The following SEMA6D variants were observed in gnomAD, a reference collection of about 807,000 sequenced individuals.
The protein encoded by SEMA6D is semaphorin-6D.
Under a neutral mutation model 106.6 loss-of-function variants are expected in SEMA6D, and 35 were observed. The ratio of observed to expected loss-of-function variants is 0.33; its 90% CI spans 0.25 to 0.44. SEMA6D has a LOEUF of 0.44. Among genes scored for constraint, SEMA6D ranks in the 20% least tolerant of loss-of-function variants. The probability of loss-of-function intolerance (pLI) is 1.00; values close to 1 mark genes in which losing one functional copy is unlikely to be tolerated. For synonymous variants in SEMA6D, 499 were observed against 487.7 expected (o/e 1.02, Z -0.31); for missense variants, 1,185 against 1,345.9 (o/e 0.88, Z 1.87).
intron 3 of SEMA6D, among the ~76,000 whole-genome samples, chr15:47,534,738 C>T (rs1443048952): frequency 6.6e-6 from 1 of 151,948 alleles, no homozygotes; most frequent in Non-Finnish European, 1.5e-5. Context: ...TACTTTTTCA[C>T]CCCACATAAA....
chr15:47,733,408 A>G (rs2080255719), intron 1 of SEMA6D, among the ~76,000 whole-genome samples: 5 of 152,190 alleles, frequency 3.3e-5, no homozygotes. Context: ...AGCTGTAAAA[A>G]TTAACCACCT....
At chr15:47,738,573 A>G (rs1008089793) in intron 1 of SEMA6D, among the ~76,000 whole-genome samples, 7 of 152,152 alleles carry the variant, frequency 4.6e-5, no homozygotes, top group African/African-American at 1.7e-4. Flanking sequence ...CTGTATTCTG[A>G]CCAAAGACTC....
Position 47,771,688 on chromosome 15 carries a change from T to C in SEMA6D, c.3125T>C (p.Leu1042Pro), listed in dbSNP as rs769118771. Residue 1042 changes from leucine (L) to proline (P), a missense_variant, in exon 19 of 19, where the codon CTA becomes CCA. Physicochemically the swap from Leu to Pro is moderately conservative, Grantham distance 98. Around this residue, in one of 3 missense-constraint regions of SEMA6D, gnomAD observed 750 missense variants for 783.5 expected, o/e 0.96. Coordinates refer to ENST00000536845, the MANE Select transcript of SEMA6D (RefSeq NM_001358351.3). ...TSNGTLPRTG[L>P]KRTPSLKPDV... Reference sequence around the variant, plus strand: ...AATGGCACTCTTCCTAGGACGGGACTAAAGAGGACGCCGTCCTTAAAACCT... The same window carrying C: ...AATGGCACTCTTCCTAGGACGGGACCAAAGAGGACGCCGTCCTTAAAACCT... The C allele has an allele frequency of 1.2e-6, 2 of 1,614,078 alleles. No individual in the cohort carries two copies. Among genetic ancestry groups the C allele is most frequent in the Non-Finnish European group, 1.7e-6 (2 of 1,179,962 alleles).
At chr15:47,420,078 G>C (rs2041104029) in intron 2 of SEMA6D, among the ~76,000 whole-genome samples, 1 of 152,088 alleles carries the variant, frequency 6.6e-6, no homozygotes, top group Admixed American at 6.6e-5. Context: ...TGAGGAGACT[G>C]TTATCCTTCA....
intron 1 of SEMA6D, among the ~76,000 whole-genome samples, chr15:47,407,211 A>G (rs2040605647): frequency 6.6e-6 from 1 of 151,906 alleles, no homozygotes; most frequent in South Asian, 2.1e-4. Context: ...AAAATACAAA[A>G]ATTAGCTGGG....
Position 47,761,335 on chromosome 15 carries a change from A to T in SEMA6D, c.351A>T (p.Glu117Asp). Residue 117 changes from glutamate to aspartate, a missense_variant, in exon 6 of 19, where the codon GAA (glutamate) becomes GAT (aspartate). By Grantham distance (45) the Glu-to-Asp change is conservative. Transcript: ENST00000536845. ...GTAACTACTACTTTCTTTAGGATGA[A>T]TGCCACAACTTTATCAAAGTATTTG... ...NCAMKGKHKD[E>D]CHNFIKVFVP... is the part of the protein sequence containing the mutation. The T allele has an allele frequency of 2.5e-6, 4 of 1,612,544 alleles. No homozygotes were observed. The highest frequency in any genetic ancestry group is 3.4e-6 in the Non-Finnish European group (4 of 1,179,428).
chr15:47,264,695 A>G (rs984724562), intron 1 of SEMA6D, among the ~76,000 whole-genome samples: 1 of 152,042 alleles, frequency 6.6e-6, no homozygotes, highest in African/African-American at 2.4e-5. Flanking sequence ...TTTAGAGTGA[A>G]AGCATCTAGT....
intron 1 of SEMA6D, among the ~76,000 whole-genome samples, chr15:47,325,574 C>T (rs991523221): frequency 1.3e-5 from 2 of 152,100 alleles, no homozygotes; most frequent in African/African-American, 2.4e-5. Context: ...CCTTCCAAGG[C>T]CTCATCTCTA....
chr15:47,191,519 A>G (rs1404664585), intron 1 of SEMA6D, among the ~76,000 whole-genome samples: 1 of 152,186 alleles, frequency 6.6e-6, no homozygotes, highest in Non-Finnish European at 1.5e-5. Context: ...AAAGGTTTAT[A>G]AGGAAATTTA....
intron 3 of SEMA6D, among the ~76,000 whole-genome samples, chr15:47,549,468 G>A (rs999495262): frequency 3.2e-4 from 49 of 152,210 alleles, no homozygotes; most frequent in African/African-American, 1.1e-3. Flanking sequence ...CTCAGGGCAC[G>A]AAGCCACTGT....
At chr15:47,645,458 A>G (rs1482522801) in intron 4 of SEMA6D, among the ~76,000 whole-genome samples, 3 of 152,058 alleles carry the variant, frequency 2.0e-5, no homozygotes, top group Non-Finnish European at 4.4e-5. Context: ...TGGGTGTGGG[A>G]TGTTCTTTTA....
chr15:47,746,355 CTCTGTTGTGACA>C (rs2081131264), intron 1 of SEMA6D, among the ~76,000 whole-genome samples: 1 of 152,204 alleles, frequency 6.6e-6, no homozygotes, highest in African/African-American at 2.4e-5. Context: ...GATCATTGAA[CTCTGTTGTGACA>C]TCTGGGTTCT....
chr15:47,519,661 G>A (rs1011237153), intron 3 of SEMA6D, among the ~76,000 whole-genome samples: 10 of 152,102 alleles, frequency 6.6e-5, no homozygotes, highest in South Asian at 2.1e-4. Context: ...GCCTGAGACC[G>A]GGTCACATCC....
chr15:47,442,619 G>A (rs1484116706), intron 2 of SEMA6D, among the ~76,000 whole-genome samples: 2 of 152,064 alleles, frequency 1.3e-5, no homozygotes, highest in Non-Finnish European at 2.9e-5. Context: ...GTTTAAAGTT[G>A]TAAATATTAT....
chr15:47,451,155 G>A (rs1000158118), intron 2 of SEMA6D, among the ~76,000 whole-genome samples: 1 of 152,090 alleles, frequency 6.6e-6, no homozygotes, highest in Non-Finnish European at 1.5e-5. Flanking sequence ...TACCTGGTTT[G>A]TCCAGTGAAA....
intron 1 of SEMA6D, among the ~76,000 whole-genome samples, chr15:47,223,922 A>G (rs934921581): frequency 1.3e-5 from 2 of 152,056 alleles, no homozygotes; most frequent in African/African-American, 4.8e-5. Context: ...ATAACTACAG[A>G]TTGTTTTTTA....
At chr15:47,185,289 C>T (rs1893484177) in intron 1 of SEMA6D, among the ~76,000 whole-genome samples, 1 of 152,152 alleles carries the variant, frequency 6.6e-6, no homozygotes, top group African/African-American at 2.4e-5. Context: ...CAGAGAAAAC[C>T]GCTCCTGAGT....
intron 3 of SEMA6D, among the ~76,000 whole-genome samples, chr15:47,558,775 T>G (rs1477298795): frequency 1.3e-5 from 2 of 152,022 alleles, no homozygotes; most frequent in African/African-American, 4.8e-5. Flanking sequence ...CTGGGGATAT[T>G]AAAAATAATA....
rs575135666 is a variant in SEMA6D, at chr15:47,202,913, C to G, written c.-239+18495C>G. Among the ~76,000 whole-genome samples, 23 of 152,264 alleles carry G rather than the reference C, an allele frequency of 1.5e-4. No individual in the cohort carries two copies. The South Asian group carries it at 2.7e-3, about 18-fold the overall frequency. On this transcript the variant is annotated intron_variant, in intron 1 of 19. Coordinates refer to the SEMA6D transcript ENST00000558014. ...TGAAGGAATTTCTGGGATGTAGACT[C>G]TATCCACCATGGTGTATAAAATATG...
Sources: gnomAD v4.1 joint callset for allele counts (sites outside exome capture counted in the v4.1 genomes callset) on GRCh38, gnomAD v4.1.1 for gene constraint, gnomAD v4.1.1 regional missense constraint, MANE v1.5 for transcripts, NCBI Gene and HGNC (gene_info 2026-07-23, HGNC 2026-07-21) for gene names.